The following EFL1 variants were observed in gnomAD, a reference collection of about 807,000 sequenced individuals.
The protein encoded by EFL1 is elongation factor-like GTPase 1.
EFL1 carries 76 observed loss-of-function variants against 126.7 expected under a neutral mutation model. The observed-to-expected ratio is 0.60, with a 90% CI of 0.50 to 0.73. EFL1 has a LOEUF of 0.73. Ranked by LOEUF, EFL1 falls within the 30% of genes least tolerant of loss-of-function variation. The pLI is 0.00. For missense variants in EFL1, 1,128 were observed against 1,343.2 expected, an observed-to-expected ratio of 0.84 and a Z score of 2.50; for synonymous variants, 410 against 448.4, an observed-to-expected ratio of 0.91 and a Z score of 1.08.
At chr15:82,130,800 C>T (rs867554499) in intron 19 of EFL1, among the ~76,000 whole-genome samples, 7 of 152,200 alleles carry the variant, frequency 4.6e-5, no homozygotes, top group South Asian at 4.2e-4. Context: ...AAGTTCGAGA[C>T]CGGCCTGGAC....
At position 82,151,693 on chromosome 15, in the gene EFL1, A is replaced by G; in HGVS notation, c.2761T>C (p.Cys921Arg). ...AKEGQEENET[C>R]SGGNENQELQ... ...TCTTGGTTTTCATTTCCACCAGAAC[A>G]GGTTTCATTTTCCTCCTGTCCCTCT... Residue 921 changes from cysteine (C) to arginine (R), a missense_variant, in exon 18 of 20, where the codon TGT (cysteine) becomes CGT (arginine). By Grantham distance (180) the Cys-to-Arg change is radical. Coordinates refer to ENST00000268206, the MANE Select transcript of EFL1 (RefSeq NM_024580.6). 1 of 1,614,168 alleles carries G rather than the reference A, an allele frequency of 6.2e-7. No homozygotes were observed. Among genetic ancestry groups the G allele is most frequent in the African/African-American group, 1.3e-5 (1 of 75,046 alleles).
rs748176247 is a variant in EFL1, at chr15:82,157,818, T to C, written c.1925A>G (p.Gln642Arg). Residue 642 changes from glutamine to arginine, a missense_variant, in exon 17 of 20, where the codon CAG becomes CGG. Physicochemically the swap from Gln to Arg is conservative, Grantham distance 43. Transcript: ENST00000268206. The stretch of plus-strand genomic sequence containing the variant: ...TAAAATCTGGACACAGGGATCAGCC[T>C]GGTTTAACAGTTTCATTCCTTTTAC... ...QLVKGMKLLN[Q>R]ADPCVQILIQ... is the part of the protein sequence containing the mutation. 6.2e-7 allele frequency: 1 copy of C among 1,614,090 alleles called. No individual in the cohort carries two copies. Among genetic ancestry groups the C allele is most frequent in the East Asian group, 2.2e-5 (1 of 44,872 alleles).
At chr15:82,247,099 T>G (rs146164140) in intron 4 of EFL1, among the ~76,000 whole-genome samples, 2 of 151,876 alleles carry the variant, frequency 1.3e-5, no homozygotes, top group Non-Finnish European at 2.9e-5. Context: ...AAGCAGGAAA[T>G]GAATGAAGAA....
At chr15:82,210,711 A>T (rs1342623976) in intron 15 of EFL1, among the ~76,000 whole-genome samples, 1 of 151,852 alleles carries the variant, frequency 6.6e-6, no homozygotes. Context: ...AAAATACAAA[A>T]ATTAGCCTGG....
At chr15:82,262,001 G>A (rs1471415254) in intron 1 of EFL1, 1 of 461,672 alleles carries the variant, frequency 2.2e-6, no homozygotes, top group Non-Finnish European at 3.8e-6. Context: ...TTACACTTAA[G>A]GAGTTTGCTC....
intron 15 of EFL1, among the ~76,000 whole-genome samples, chr15:82,192,415 A>AG (rs2141272611): frequency 6.6e-6 from 1 of 152,040 alleles, no homozygotes; most frequent in African/African-American, 2.4e-5. Flanking sequence ...AAAAAAAAAA[A>AG]AAGAGTAAAA....
intron 15 of EFL1, among the ~76,000 whole-genome samples, chr15:82,164,673 G>A (rs185553847): frequency 5.3e-4 from 81 of 151,464 alleles, no homozygotes; most frequent in South Asian, 4.8e-3. Context: ...CGAGGCCGGC[G>A]GATCACAAGG....
chr15:82,227,707 C>T, intron 10 of EFL1, 135 bp from the exon 11 acceptor site: 1 of 1,156,458 alleles, frequency 8.6e-7, no homozygotes, highest in Non-Finnish European at 1.2e-6. Flanking sequence ...GGCAACACTG[C>T]TTTATGCATC....
At chr15:82,141,729 T>C (rs999529769) in intron 18 of EFL1, among the ~76,000 whole-genome samples, 2 of 145,034 alleles carry the variant, frequency 1.4e-5, no homozygotes, top group Non-Finnish European at 3.0e-5. Context: ...AGGTAGTTTA[T>C]GGAAGTAAAT....
intron 8 of EFL1, among the ~76,000 whole-genome samples, chr15:82,230,533 C>A (rs1289858601): frequency 6.6e-6 from 1 of 151,478 alleles, no homozygotes; most frequent in African/African-American, 2.4e-5. Context: ...GTGACAGGGA[C>A]AAACAAATGC....
intron 17 of EFL1, among the ~76,000 whole-genome samples, chr15:82,153,449 G>C (rs1394015794): frequency 6.6e-6 from 1 of 152,010 alleles, no homozygotes; most frequent in Admixed American, 6.5e-5. Flanking sequence ...GGATATGCAG[G>C]TGTGTGCATT....
At chr15:82,134,822 A>T (rs2073703455) in intron 19 of EFL1, among the ~76,000 whole-genome samples, 1 of 152,264 alleles carries the variant, frequency 6.6e-6, no homozygotes, top group Admixed American at 6.5e-5. Context: ...ACATAGAAAG[A>T]GAAATTATGA....
At chr15:82,230,036 C>A (rs2074804975) in intron 8 of EFL1, among the ~76,000 whole-genome samples, 1 of 152,112 alleles carries the variant, frequency 6.6e-6, no homozygotes, top group South Asian at 2.1e-4. Context: ...ATATTCACTC[C>A]CTTTAAAATA....
chr15:82,217,373 G>GAAAAAAA, intron 14 of EFL1, among the ~76,000 whole-genome samples: 23 of 27,134 alleles, frequency 8.5e-4, no homozygotes, highest in South Asian at 1.7e-3. Context: ...GATTAGATTT[G>GAAAAAAA]AAAAAAAAAA....
At chr15:82,262,226 A>C (rs2075131426) in intron 1 of EFL1, 1 of 156,160 alleles carries the variant, frequency 6.4e-6, no homozygotes, top group African/African-American at 2.4e-5. Context: ...TCATTCTGAC[A>C]TTCTCGCTCG....
At position 82,152,284 on chromosome 15, in the gene EFL1, C is replaced by T. The variant is rs2073921170; in HGVS notation, c.2170G>A (p.Asp724Asn). The T allele has an allele frequency of 6.2e-7, 1 of 1,613,960 alleles. No individual in the cohort carries two copies. The highest frequency in any genetic ancestry group is 8.5e-7 in the Non-Finnish European group (1 of 1,179,988). ...ATTCCTTCAGGGATTTTGCTTTGATCTTCTTTCATTTGGTGTATGACTGCA... is the reference window on the plus strand; with the variant it reads ...ATTCCTTCAGGGATTTTGCTTTGATTTTCTTTCATTTGGTGTATGACTGCA... The part of the protein sequence containing the change: ...KVAVIHQMKE[D>N]QSKIPEGIQV... Residue 724 changes from aspartate (D) to asparagine (N), a missense_variant, in exon 18 of 20, where the codon GAT becomes AAT. Around this residue, in one of 6 missense-constraint regions of EFL1, gnomAD observed 561 missense variants for 641.7 expected, o/e 0.87. Coordinates refer to ENST00000268206, the MANE Select transcript of EFL1 (RefSeq NM_024580.6).
chr15:82,212,880 T>C (rs1350058369), intron 15 of EFL1, among the ~76,000 whole-genome samples: 1 of 152,210 alleles, frequency 6.6e-6, no homozygotes, highest in African/African-American at 2.4e-5. Context: ...TCTTTCCAAA[T>C]AAAAACATTA....
intron 19 of EFL1, among the ~76,000 whole-genome samples, chr15:82,133,827 G>A (rs899827539): frequency 4.6e-5 from 7 of 152,164 alleles, no homozygotes; most frequent in African/African-American, 9.7e-5. Context: ...CCTCATATGC[G>A]AGGAAACAGG....
At chr15:82,198,631 A>G (rs944029503) in intron 15 of EFL1, among the ~76,000 whole-genome samples, 7 of 152,196 alleles carry the variant, frequency 4.6e-5, no homozygotes, top group African/African-American at 1.7e-4. Context: ...GGAAAACCCA[A>G]GACATGGACA....
Sources: allele counts gnomAD v4.1 joint callset (sites outside exome capture counted in the v4.1 genomes callset), GRCh38; gene constraint gnomAD v4.1.1; regional missense constraint gnomAD v4.1.1; transcripts MANE v1.5; gene names NCBI Gene and HGNC (gene_info 2026-07-23, HGNC 2026-07-21).